FOXP2: variants seen among roughly 807,000 people sequenced by gnomAD.
The protein encoded by FOXP2 is forkhead box P2.
Under a neutral mutation model 115.8 loss-of-function variants are expected in FOXP2, and 12 were observed. The observed-to-expected ratio is 0.10, with a 90% CI of 0.07 to 0.17. FOXP2 has a LOEUF of 0.17. Among genes scored for constraint, FOXP2 ranks in the 10% least tolerant of loss-of-function variants. The probability of loss-of-function intolerance (pLI) is 1.00; values close to 1 mark genes in which losing one functional copy is unlikely to be tolerated. For synonymous variants in FOXP2, 328 were observed against 297.7 expected, an observed-to-expected ratio of 1.10 and a Z score of -1.05; for missense variants, 629 against 843.5, an observed-to-expected ratio of 0.75 and a Z score of 3.15.
chr7:114,266,257 C>A lies in FOXP2; in HGVS notation c.-101-21762C>A, dbSNP rs1234239909. On this transcript the variant is annotated intron_variant, in intron 1 of 17. Coordinates refer to the FOXP2 transcript ENST00000634411. ...CTATTACCCAGTTCCAAAGTCACCT[C>A]CACATTTTCAGGTATTTTTATAGCA... is the stretch of plus-strand genomic sequence containing the variant. Among the ~76,000 whole-genome samples the A allele has an allele frequency of 3.3e-5, 5 of 152,142 alleles. No individual in the cohort carries two copies. The East Asian group carries it at 9.6e-4, about 29-fold the overall frequency.
chr7:114,644,851 C>A (rs1805787589), intron 8 of FOXP2, 62 bp downstream of exon 8: 1 of 1,225,360 alleles, frequency 8.2e-7, no homozygotes, highest in South Asian at 1.2e-5. Flanking sequence ...ATTTTAGGCA[C>A]ATTGTAAATA....
At chr7:114,394,005 T>A (rs62469235) in intron 2 of FOXP2, among the ~76,000 whole-genome samples, 12 of 91,494 alleles carry the variant, frequency 1.3e-4, no homozygotes, top group African/African-American at 4.1e-4. Flanking sequence ...TGTGTGTGTG[T>A]GAGAGAGAGA....
At chr7:114,477,382 T>G (rs1322035130) in intron 2 of FOXP2, among the ~76,000 whole-genome samples, 2 of 151,944 alleles carry the variant, frequency 1.3e-5, no homozygotes, top group Non-Finnish European at 2.9e-5. Flanking sequence ...GAGGCCATAG[T>G]CCTAAGCAAA....
chr7:114,172,767 G>C (rs933571310), intron 1 of FOXP2, among the ~76,000 whole-genome samples: 1 of 151,948 alleles, frequency 6.6e-6, no homozygotes, highest in Non-Finnish European at 1.5e-5. Flanking sequence ...AAGTAAAAAA[G>C]AATTAAAAAG....
At chr7:114,425,217 CAA>C (rs1243291325) in intron 1 of FOXP2, among the ~76,000 whole-genome samples, 3 of 151,430 alleles carry the variant, frequency 2.0e-5, no homozygotes, top group African/African-American at 7.3e-5. Flanking sequence ...AAAATATGAT[CAA>C]GTTTAAAATA....
At chr7:114,130,001 C>T (rs1198255060) in intron 1 of FOXP2, among the ~76,000 whole-genome samples, 1 of 151,978 alleles carries the variant, frequency 6.6e-6, no homozygotes. Context: ...ATGGGAAAAA[C>T]AGGCACATTG....
At chr7:114,465,583 C>T (rs1049331232) in intron 2 of FOXP2, among the ~76,000 whole-genome samples, 1 of 152,090 alleles carries the variant, frequency 6.6e-6, no homozygotes, top group Non-Finnish European at 1.5e-5. Flanking sequence ...TAGTAAACCA[C>T]CTATTAAAAG....
chr7:114,434,973 G>A (rs1277651442), intron 2 of FOXP2, among the ~76,000 whole-genome samples: 1 of 152,026 alleles, frequency 6.6e-6, no homozygotes. Flanking sequence ...CCTTGTTATA[G>A]CATATCCCAA....
intron 3 of FOXP2, among the ~76,000 whole-genome samples, chr7:114,560,725 T>C (rs1205749188): frequency 6.6e-6 from 1 of 152,238 alleles, no homozygotes; most frequent in Non-Finnish European, 1.5e-5. Context: ...TTTAGTCTTA[T>C]CTTTGGTCTG....
In FOXP2 at chr7:114,435,777, G is replaced by A. The variant is rs138166892; in HGVS notation, c.168+9098G>A. Among the ~76,000 whole-genome samples the A allele has an allele frequency of 2.6e-3, 393 of 152,292 alleles. 5 individuals are homozygous for A. Among genetic ancestry groups the A allele is most frequent in the Non-Finnish European group, 4.8e-3 (324 of 68,012 alleles). On this transcript the variant is annotated intron_variant, in intron 2 of 16. Transcript: ENST00000350908. ...TTGTCTCGAGCTCCTGACCTCAGGTGATTCGCCCACCTTGGCCTCCCAAAG... is the reference window on the plus strand; with the variant it reads ...TTGTCTCGAGCTCCTGACCTCAGGTAATTCGCCCACCTTGGCCTCCCAAAG...
intron 3 of FOXP2, 30 bp from the exon 4 acceptor site, chr7:114,628,510 A>G (rs1804716544): frequency 6.2e-7 from 1 of 1,613,390 alleles, no homozygotes; most frequent in Non-Finnish European, 8.5e-7. Flanking sequence ...ATGACCACGA[A>G]TTTTCTTTCT....
intron 2 of FOXP2, among the ~76,000 whole-genome samples, chr7:114,381,252 G>A (rs573963722): frequency 2.7e-4 from 41 of 152,240 alleles, no homozygotes; most frequent in African/African-American, 8.9e-4. Context: ...TAATTTTAGC[G>A]CTAAGTATTT....
intron 3 of FOXP2, among the ~76,000 whole-genome samples, chr7:114,608,854 A>C (rs1803475441): frequency 1.3e-5 from 2 of 152,164 alleles, no homozygotes; most frequent in South Asian, 4.1e-4. Flanking sequence ...CATTCTGGCA[A>C]AATTCACTAC....
At chr7:114,646,556 T>C (rs76065463) in intron 8 of FOXP2, among the ~76,000 whole-genome samples, 17,406 of 152,026 alleles carry the variant, frequency 0.11, 1,106 homozygotes, top group Middle Eastern at 0.17. Flanking sequence ...AGACTGACCA[T>C]TTTTCCAACC....
chr7:114,450,027 G>A (rs1795004087), intron 2 of FOXP2, among the ~76,000 whole-genome samples: 2 of 151,942 alleles, frequency 1.3e-5, no homozygotes, highest in South Asian at 4.1e-4. Context: ...ATATGAAAAA[G>A]TATTCTGCCT....
chr7:114,262,533 A>AT (rs201715360), intron 1 of FOXP2, among the ~76,000 whole-genome samples: 24 of 152,142 alleles, frequency 1.6e-4, no homozygotes, highest in African/African-American at 4.3e-4. Context: ...AAAATAAGAG[A>AT]TTTTTTTTAA....
chr7:114,586,987 A>T (rs935835863), intron 3 of FOXP2, among the ~76,000 whole-genome samples: 4 of 152,266 alleles, frequency 2.6e-5, no homozygotes, highest in Middle Eastern at 6.8e-3. Flanking sequence ...ATAAAGCCAA[A>T]TTAACCAATA....
intron 1 of FOXP2, among the ~76,000 whole-genome samples, chr7:114,095,468 A>G (rs1010218668): frequency 4.0e-5 from 6 of 151,074 alleles, no homozygotes; most frequent in Admixed American, 2.6e-4. Flanking sequence ...TTTTTTTTTC[A>G]GCTGTCTTAT....
At chr7:114,128,226 T>G (rs1315874210) in intron 1 of FOXP2, among the ~76,000 whole-genome samples, 2 of 152,200 alleles carry the variant, frequency 1.3e-5, no homozygotes, top group Non-Finnish European at 2.9e-5. Context: ...TTGGTTTTAA[T>G]GTGCAAACAA....
Sources: allele counts gnomAD v4.1 joint callset (sites outside exome capture counted in the v4.1 genomes callset), GRCh38; gene constraint gnomAD v4.1.1; transcripts MANE v1.5; gene names NCBI Gene and HGNC (gene_info 2026-07-23, HGNC 2026-07-21).